The following AOAH variants were observed in gnomAD, a reference collection of about 807,000 sequenced individuals.
The protein encoded by AOAH is acyloxyacyl hydrolase.
In AOAH, 64 loss-of-function variants were observed where a neutral mutation model predicts 92.2. The ratio of observed to expected loss-of-function variants is 0.69; its 90% confidence interval spans 0.57 to 0.86. AOAH has a LOEUF of 0.86. Ranked by LOEUF, AOAH falls within the 40% of genes least tolerant of loss-of-function variation. The probability of loss-of-function intolerance (pLI) is 0.00; values close to 1 mark genes in which losing one functional copy is unlikely to be tolerated. For synonymous variants in AOAH, 263 were observed against 254.5 expected (o/e 1.03, Z -0.32); for missense variants, 656 against 694.6 (o/e 0.94, Z 0.62).
chr7:36,537,236 ATT>A (rs59203342), intron 16 of AOAH, among the ~76,000 whole-genome samples: 3 of 144,670 alleles, frequency 2.1e-5, no homozygotes, highest in African/African-American at 5.1e-5. Context: ...CCTTGATTGG[ATT>A]TTTTTTTTTT....
chr7:36,706,478 GC>G (rs34774591), intron 1 of AOAH, among the ~76,000 whole-genome samples: 2 of 152,014 alleles, frequency 1.3e-5, no homozygotes, highest in African/African-American at 4.8e-5. Context: ...ATTCCTAAGG[GC>G]CCTAGGATTT....
chr7:36,594,193 CTACTG>C, intron 12 of AOAH, 141 bp downstream of exon 12: 3 of 680,484 alleles, frequency 4.4e-6, no homozygotes, highest in Non-Finnish European at 7.9e-6. Flanking sequence ...GCATTACATC[CTACTG>C]TATGGTGGAT....
chr7:36,517,422 A>T (rs1783850780), intron 20 of AOAH, among the ~76,000 whole-genome samples: 1 of 149,548 alleles, frequency 6.7e-6, no homozygotes, highest in Non-Finnish European at 1.5e-5. Context: ...TCTCCAACAG[A>T]TATTCTTTTA....
chr7:36,696,519 G>A (rs968379897), intron 1 of AOAH, among the ~76,000 whole-genome samples: 2 of 152,152 alleles, frequency 1.3e-5, no homozygotes, highest in East Asian at 1.9e-4. Context: ...TTAATTATGA[G>A]TAAGATTGTT....
chr7:36,685,379 G>A (rs1381396567), intron 2 of AOAH, among the ~76,000 whole-genome samples: 1 of 152,128 alleles, frequency 6.6e-6, no homozygotes, highest in Non-Finnish European at 1.5e-5. Context: ...TGCAGGGGGA[G>A]GATGGGATGG....
intron 13 of AOAH, among the ~76,000 whole-genome samples, chr7:36,575,239 C>G (rs1788403180): frequency 6.6e-6 from 1 of 152,146 alleles, no homozygotes; most frequent in South Asian, 2.1e-4. Context: ...TTCTGCAGAT[C>G]ATCTGGGATC....
At chr7:36,580,689 G>C (rs1391599968) in intron 12 of AOAH, among the ~76,000 whole-genome samples, 1 of 152,158 alleles carries the variant, frequency 6.6e-6, no homozygotes, top group Non-Finnish European at 1.5e-5. Flanking sequence ...CTAGTTGCCA[G>C]CTAAAAAGCT....
At chr7:36,563,675 A>C (rs138552894) in intron 13 of AOAH, among the ~76,000 whole-genome samples, 2 of 152,308 alleles carry the variant, frequency 1.3e-5, no homozygotes, top group Admixed American at 1.3e-4. Context: ...ACTGTCCTAA[A>C]ATACATCTAT....
In AOAH at chr7:36,532,271, C is replaced by A; in HGVS notation, c.1365+15G>T. 6.2e-7 allele frequency: 1 copy of A among 1,614,110 alleles called. No homozygotes were observed. On this transcript the variant is annotated intron_variant, in intron 17 of 20. Transcript: ENST00000617537. ...GTAGGTAAGCGGGCCTTGAAGCAAG[C>A]CAGTGAGTGCTCACCTGGAGGCAGT...
chr7:36,543,947 C>CTTTCTTT (rs55745823), intron 15 of AOAH, among the ~76,000 whole-genome samples: 2,045 of 90,962 alleles, frequency 0.022, 101 homozygotes, highest in East Asian at 0.11. Context: ...TTCTTTCTTT[C>CTTTCTTT]TTTTTTTTTT....
intron 11 of AOAH, among the ~76,000 whole-genome samples, chr7:36,606,276 T>TAAAG (rs1301604825): frequency 2.6e-5 from 4 of 152,138 alleles, no homozygotes; most frequent in East Asian, 1.9e-4. Flanking sequence ...TGTGGGTTAA[T>TAAAG]AAAGAGTAGC....
At chr7:36,722,217 G>A (rs367833078) in intron 1 of AOAH, among the ~76,000 whole-genome samples, 12 of 152,252 alleles carry the variant, frequency 7.9e-5, no homozygotes, top group African/African-American at 2.6e-4. Flanking sequence ...GGTTATTATT[G>A]TAATTTTTGA....
chr7:36,541,437 T>A (rs1785417753), intron 15 of AOAH, among the ~76,000 whole-genome samples: 1 of 152,248 alleles, frequency 6.6e-6, no homozygotes, highest in African/African-American at 2.4e-5. Flanking sequence ...AAGTGACGAA[T>A]CTTTACCCTC....
chr7:36,694,831 T>C (rs576393373), intron 1 of AOAH, among the ~76,000 whole-genome samples: 10 of 152,212 alleles, frequency 6.6e-5, no homozygotes, highest in African/African-American at 2.4e-4. Context: ...GGATAGATGA[T>C]AGAAAAATGA....
intron 13 of AOAH, among the ~76,000 whole-genome samples, chr7:36,550,447 A>G (rs12701509): frequency 0.32 from 48,102 of 151,950 alleles, 9,226 homozygotes; most frequent in Non-Finnish European, 0.42. Flanking sequence ...CTGTGGTACA[A>G]TTGTGTGAGG....
At position 36,532,348 on chromosome 7, in the gene AOAH, GA is replaced by G; in HGVS notation, c.1307-5del. 1 of 1,613,448 alleles carries G rather than the reference GA, an allele frequency of 6.2e-7. No individual in the cohort carries two copies. Among genetic ancestry groups the G allele is most frequent in the Non-Finnish European group, 8.5e-7 (1 of 1,179,988 alleles). On this transcript the variant is annotated splice_region_variant and splice_polypyrimidine_tract_variant and intron_variant, in intron 16 of 20. Transcript: ENST00000617537. ...GTCATGTCTTTATTTAGCTGGCCTG[GA>G]AAACAGAGAGGTCTGGTAGATTGCA...
intron 4 of AOAH, among the ~76,000 whole-genome samples, chr7:36,646,795 C>T (rs1028630074): frequency 1.4e-4 from 21 of 152,128 alleles, no homozygotes; most frequent in South Asian, 4.1e-4. Flanking sequence ...TTTTCTCTCG[C>T]TCTGATCCTA....
Position 36,618,364 on chromosome 7 carries a change from G to C in AOAH, c.703-19C>G, listed in dbSNP as rs770894556. ...CGACACCCTTTAAAAAAGAAACGAT[G>C]TGATTAGCAGTTTGGTTTTAAATTT... On this transcript the variant is annotated intron_variant, in intron 9 of 20. Transcript: ENST00000617537. 62 of 1,612,880 alleles carry C rather than the reference G, an allele frequency of 3.8e-5. No individual in the cohort carries two copies. The highest frequency in any genetic ancestry group is 5.0e-5 in the Non-Finnish European group (59 of 1,179,276).
chr7:36,607,579 A>G (rs1276850577), intron 11 of AOAH, among the ~76,000 whole-genome samples: 1 of 152,184 alleles, frequency 6.6e-6, no homozygotes, highest in Non-Finnish European at 1.5e-5. Context: ...GACCAGCCCA[A>G]TTATGCACAT....
Sources: allele counts gnomAD v4.1 joint callset (sites outside exome capture counted in the v4.1 genomes callset), GRCh38; gene constraint gnomAD v4.1.1; transcripts MANE v1.5; gene names NCBI Gene and HGNC (gene_info 2026-07-23, HGNC 2026-07-21).